GRM3: variants seen among roughly 807,000 people sequenced by gnomAD.
GRM3 encodes glutamate metabotropic receptor 3, also known as metabotropic glutamate receptor 3.
In GRM3, 26 loss-of-function variants were observed where a neutral mutation model predicts 70.5. The ratio of observed to expected loss-of-function variants is 0.37; its 90% CI spans 0.27 to 0.51. The LOEUF is 0.51. Among genes scored for constraint, GRM3 ranks in the 20% least tolerant of loss-of-function variants. The pLI, the probability that GRM3 is intolerant of heterozygous loss-of-function variation, is 0.93. For synonymous variants in GRM3, 443 were observed against 434.9 expected, an observed-to-expected ratio of 1.02 and a Z score of -0.23; for missense variants, 859 against 1,123.8, an observed-to-expected ratio of 0.76 and a Z score of 3.37.
chr7:86,774,642 G>A (rs1417251003), intron 2 of GRM3, among the ~76,000 whole-genome samples: 3 of 152,060 alleles, frequency 2.0e-5, no homozygotes, highest in African/African-American at 7.2e-5. Flanking sequence ...GAATGGCAAA[G>A]CATCTTGACA....
intron 1 of GRM3, among the ~76,000 whole-genome samples, chr7:86,698,908 A>G (rs1374428947): frequency 6.6e-6 from 1 of 152,014 alleles, no homozygotes; most frequent in Non-Finnish European, 1.5e-5. Context: ...ACATGGCCCC[A>G]CTAGCAGTAT....
intron 1 of GRM3, among the ~76,000 whole-genome samples, chr7:86,673,477 T>C (rs1305664845): frequency 6.6e-6 from 1 of 152,136 alleles, no homozygotes; most frequent in Non-Finnish European, 1.5e-5. Context: ...GTCTACATTT[T>C]CAAGTTTCTC....
intron 2 of GRM3, among the ~76,000 whole-genome samples, chr7:86,777,578 G>A (rs915435414): frequency 2.6e-5 from 4 of 152,072 alleles, no homozygotes; most frequent in East Asian, 1.9e-4. Context: ...TTCATTATAC[G>A]ATTTCTAAAA....
intron 1 of GRM3, among the ~76,000 whole-genome samples, chr7:86,677,332 A>T (rs1794331882): frequency 6.6e-6 from 1 of 151,986 alleles, no homozygotes. Flanking sequence ...TTGCCAGCTG[A>T]TGTCCTGCCT....
rs1210343203 is a variant in GRM3, at chr7:86,839,020, C to T, written c.1506C>T (p.Asn502=). 1.2e-6 allele frequency: 2 copies of T among 1,614,032 alleles called. No individual in the cohort carries two copies. Among genetic ancestry groups the T allele is most frequent in the Admixed American group, 3.3e-5 (2 of 60,010 alleles). Residue 502 remains asparagine (N), a synonymous_variant, in exon 4 of 6, where the codon AAC becomes AAT. Transcript: ENST00000361669. This position sits in a 1 kb window ranked among gnomAD's most constrained non-coding sequence, Gnocchi z 4.5. Reference sequence around the variant, plus strand: ...TCAACTCTATCCACTGGTCCCGGAACTCAGTCCCCACTTCCCAGTGCAGCG... The same window carrying T: ...TCAACTCTATCCACTGGTCCCGGAATTCAGTCCCCACTTCCCAGTGCAGCG... ...LDVNSIHWSR[N]SVPTSQCSDP...
At chr7:86,706,193 C>T (rs1181039210) in intron 1 of GRM3, among the ~76,000 whole-genome samples, 1 of 151,960 alleles carries the variant, frequency 6.6e-6, no homozygotes, top group Non-Finnish European at 1.5e-5. Flanking sequence ...TTGGAAAATT[C>T]CTTTAGCCCT....
At chr7:86,771,696 A>G (rs1796746065) in intron 2 of GRM3, among the ~76,000 whole-genome samples, 1 of 152,108 alleles carries the variant, frequency 6.6e-6, no homozygotes, top group South Asian at 2.1e-4. Flanking sequence ...TATCAAGACC[A>G]TACATAAAAC....
At chr7:86,658,063 C>T (rs1183635257) in intron 1 of GRM3, among the ~76,000 whole-genome samples, 1 of 152,120 alleles carries the variant, frequency 6.6e-6, no homozygotes, top group Non-Finnish European at 1.5e-5. Context: ...TCAATATTTT[C>T]TATGTGGCTA....
At chr7:86,672,216 A>G (rs1225054567) in intron 1 of GRM3, among the ~76,000 whole-genome samples, 1 of 152,116 alleles carries the variant, frequency 6.6e-6, no homozygotes, top group Non-Finnish European at 1.5e-5. Flanking sequence ...TTTCCAGCTC[A>G]GGATTGTTGA....
At position 86,786,033 on chromosome 7, in the gene GRM3, G is replaced by T; in HGVS notation, c.469-228G>T. On this transcript the variant is annotated intron_variant, in intron 2 of 5. Coordinates refer to ENST00000361669, the MANE Select transcript of GRM3 (RefSeq NM_000840.3). This position sits in a 1 kb window ranked among gnomAD's most constrained non-coding sequence, Gnocchi z 6.0. Reference sequence around the variant, plus strand: ...GGTGCCCTTCTCATTTCTCTACTCTGCCCTTTCCTGAAGCACACACTACCT... The same window carrying T: ...GGTGCCCTTCTCATTTCTCTACTCTTCCCTTTCCTGAAGCACACACTACCT... 1.9e-6 allele frequency: 1 copy of T among 538,228 alleles called. No homozygotes were observed. Among genetic ancestry groups the T allele is most frequent in the Non-Finnish European group, 3.4e-6 (1 of 295,766 alleles). The allele number at this position is 538,228 out of a possible 1,614,324, so 33.3% of individuals were successfully genotyped here. A position where few individuals can be genotyped will look rare whatever the true frequency, so the allele number is the denominator to read the frequency against.
At chr7:86,668,511 G>C (rs1351550607) in intron 1 of GRM3, among the ~76,000 whole-genome samples, 3 of 152,020 alleles carry the variant, frequency 2.0e-5, no homozygotes, top group African/African-American at 7.2e-5. Flanking sequence ...TCTCTCACAT[G>C]CTAATGAGGC....
intron 3 of GRM3, among the ~76,000 whole-genome samples, chr7:86,818,309 C>T (rs909034104): frequency 2.6e-5 from 4 of 152,052 alleles, no homozygotes; most frequent in Non-Finnish European, 5.9e-5. Context: ...AGTACATGAA[C>T]TCACTTAGGG....
chr7:86,823,582 ATTT>A (rs35792615), intron 3 of GRM3, among the ~76,000 whole-genome samples: 465 of 43,060 alleles, frequency 0.011, no homozygotes, highest in African/African-American at 0.027. Context: ...TGTGTGAGGT[ATTT>A]TTTTTTTTTT....
At chr7:86,788,133 A>G (rs1797315037) in intron 3 of GRM3, among the ~76,000 whole-genome samples, 2 of 152,176 alleles carry the variant, frequency 1.3e-5, no homozygotes, top group Admixed American at 6.5e-5. Flanking sequence ...CATCGTTCCA[A>G]TCTGCACAAT....
intron 1 of GRM3, among the ~76,000 whole-genome samples, chr7:86,669,056 C>G: frequency 6.6e-6 from 1 of 152,114 alleles, no homozygotes; most frequent in East Asian, 1.9e-4. Context: ...TCATCTAAGA[C>G]TCAAGACTTT....
Position 86,787,070 on chromosome 7 carries a change from T to G in GRM3, c.1278T>G (p.Asp426Glu). 1 of 1,611,920 alleles carries G rather than the reference T, an allele frequency of 6.2e-7. No individual in the cohort carries two copies. Among genetic ancestry groups the G allele is most frequent in the Non-Finnish European group, 8.5e-7 (1 of 1,178,792 alleles). ...TKLCDAMKIL[D>E]GKKLYKDYLL... is the part of the protein sequence containing the mutation. ...TTTGTGATGCTATGAAGATCCTGGA[T>G]GGGAAGAAGTTGTACAAGGATTACT... Residue 426 changes from aspartate (D) to glutamate (E), a missense_variant, in exon 3 of 6, where the codon GAT becomes GAG. Physicochemically the swap from Asp to Glu is conservative, Grantham distance 45. Coordinates refer to ENST00000361669, the MANE Select transcript of GRM3 (RefSeq NM_000840.3).
chr7:86,734,346 G>A (rs1795807532), intron 1 of GRM3, among the ~76,000 whole-genome samples: 1 of 152,076 alleles, frequency 6.6e-6, no homozygotes, highest in Non-Finnish European at 1.5e-5. Context: ...TTCCTTTTCT[G>A]GGAGAAGTAT....
chr7:86,845,474 C>G (rs1798638204), intron 4 of GRM3, among the ~76,000 whole-genome samples: 1 of 152,006 alleles, frequency 6.6e-6, no homozygotes, highest in Non-Finnish European at 1.5e-5. Flanking sequence ...TCACACCAGC[C>G]CCAGCCCTAC....
chr7:86,744,315 C>T (rs1796054622), intron 1 of GRM3, among the ~76,000 whole-genome samples: 1 of 151,898 alleles, frequency 6.6e-6, no homozygotes, highest in Non-Finnish European at 1.5e-5. Flanking sequence ...TTTTGGGATA[C>T]AGCCCTCCGC....
Sources: allele counts gnomAD v4.1 joint callset (sites outside exome capture counted in the v4.1 genomes callset), GRCh38; gene constraint gnomAD v4.1.1; non-coding constraint Gnocchi (gnomAD v3.1); transcripts MANE v1.5; gene names NCBI Gene and HGNC (gene_info 2026-07-23, HGNC 2026-07-21).